Variants in ARSG observed in about 807,000 individuals in gnomAD.
ARSG encodes ASG.
ARSG carries 37 observed loss-of-function variants against 50.5 expected under a neutral mutation model. The observed-to-expected ratio is 0.73, with a 90% confidence interval of 0.56 to 0.96. ARSG has a LOEUF of 0.96. ARSG is among the 50% of genes least tolerant of loss of function. ARSG has a pLI of 0.00. For missense variants in ARSG, 629 were observed against 675.3 expected (o/e 0.93, Z 0.76); for synonymous variants, 225 against 254.6 (o/e 0.88, Z 1.11).
chr17:68,297,945 G>A (rs1356260461), intron 1 of ARSG, among the ~76,000 whole-genome samples: 1 of 150,622 alleles, frequency 6.6e-6, no homozygotes, highest in Admixed American at 6.7e-5. Context: ...ATTGTGTTTG[G>A]GGTTGAGAAA....
At position 68,369,144 on chromosome 17, in the gene ARSG, G is replaced by C. The variant is rs2079698620; in HGVS notation, c.901+400G>C. 4.6e-5 allele frequency among the ~76,000 whole-genome samples: 7 copies of C among 152,194 alleles called. No homozygotes were observed. In the South Asian group the frequency reaches 1.4e-3, roughly 32 times the overall value. On this transcript the variant is annotated intron_variant, in intron 7 of 11. Coordinates refer to ENST00000621439, the MANE Select transcript of ARSG (RefSeq NM_001267727.2). ...TGCCACTCCCCGTGTCACGTCTTTT[G>C]GCTGAGTGGCCTTAGCGAGCTGAAC...
At chr17:68,313,619 T>C (rs1221812693) in intron 2 of ARSG, among the ~76,000 whole-genome samples, 2 of 152,092 alleles carry the variant, frequency 1.3e-5, no homozygotes, top group African/African-American at 2.4e-5. Context: ...TGGATTGATA[T>C]GAAATTGAGG....
chr17:68,351,228 T>C (rs1427151202), intron 4 of ARSG, among the ~76,000 whole-genome samples: 1 of 152,194 alleles, frequency 6.6e-6, no homozygotes, highest in Admixed American at 6.5e-5. Flanking sequence ...ACTGTTTTTT[T>C]TTTATCCCTT....
upstream of ARSG, chr17:68,291,389 A>G (rs1292185642): frequency 6.9e-6 from 1 of 145,462 alleles, no homozygotes; most frequent in Non-Finnish European, 1.5e-5. Context: ...CTCTTATCCT[A>G]TACCGGCTGC....
intron 1 of ARSG, among the ~76,000 whole-genome samples, chr17:68,301,067 G>A (rs1377107433): frequency 4.6e-5 from 7 of 150,770 alleles, no homozygotes; most frequent in Non-Finnish European, 7.4e-5. Flanking sequence ...GCAGTGAGCC[G>A]AGATCGCACC....
the ARSG span, chr17:68,429,964 G>A: frequency 6.2e-7 from 1 of 1,613,140 alleles, no homozygotes; most frequent in Non-Finnish European, 8.5e-7. Context: ...CGAAAGTGTG[G>A]TCTTGTTCAG....
intron 8 of ARSG, among the ~76,000 whole-genome samples, chr17:68,380,777 ACT>A (rs1207012493): frequency 6.6e-6 from 1 of 151,936 alleles, no homozygotes; most frequent in Non-Finnish European, 1.5e-5. Context: ...CAGTGCCCTA[ACT>A]CTTGTGTTAT....
At chr17:68,308,434 C>T (rs574602047) in intron 2 of ARSG, among the ~76,000 whole-genome samples, 10 of 151,406 alleles carry the variant, frequency 6.6e-5, no homozygotes, top group Admixed American at 2.6e-4. Context: ...GTTCTTAAGG[C>T]GGTGCGTCTG....
At chr17:68,420,990 T>C (rs2082733641), downstream of ARSG, 1 of 155,636 alleles carries the variant, frequency 6.4e-6, no homozygotes, top group Non-Finnish European at 1.4e-5. Flanking sequence ...ATCTTTAATA[T>C]GCAAACAAAT....
intron 1 of ARSG, chr17:68,268,852 A>C: frequency 1.7e-6 from 1 of 573,902 alleles, no homozygotes; most frequent in South Asian, 2.2e-5. Context: ...AGCCAGATTT[A>C]TATATGGAAG....
chr17:68,432,816 G>C, the ARSG span, among the ~76,000 whole-genome samples: 1 of 152,170 alleles, frequency 6.6e-6, no homozygotes, highest in Non-Finnish European at 1.5e-5. Flanking sequence ...CCCCCACCGT[G>C]GGGTATGAAA....
rs181860044 is a variant in ARSG, at chr17:68,395,427, A to C, written c.1212+234A>C. On this transcript the variant is annotated intron_variant, in intron 10 of 11. Transcript: ENST00000621439. ...AGATGGTGAAACCTCACCTATACTA[A>C]AGATACAAAAATTAGCTGAGCATGG... Among the ~76,000 whole-genome samples, 53 of 152,320 alleles carry C rather than the reference A, an allele frequency of 3.5e-4. 1 individual carries two copies. The East Asian group carries it at 9.6e-3, about 28-fold the overall frequency.
chr17:68,432,855 C>T, the ARSG span, among the ~76,000 whole-genome samples: 10 of 152,190 alleles, frequency 6.6e-5, no homozygotes, highest in Admixed American at 5.2e-4. Context: ...TCTCACTCCT[C>T]CATCTTTCCA....
At chr17:68,337,496 C>T (rs774084401) in intron 2 of ARSG, among the ~76,000 whole-genome samples, 8 of 152,142 alleles carry the variant, frequency 5.3e-5, no homozygotes, top group Admixed American at 3.3e-4. Flanking sequence ...AGGATGAAGA[C>T]AGGTCTCCTG....
chr17:68,401,275 G>A (rs2081457977), intron 10 of ARSG, 85 bp from the exon 11 acceptor site: 8 of 1,214,050 alleles, frequency 6.6e-6, no homozygotes, highest in Non-Finnish European at 9.6e-6. Flanking sequence ...CTCCTGCCTC[G>A]ACCTCCCAAG....
intron 2 of ARSG, among the ~76,000 whole-genome samples, chr17:68,312,406 G>C (rs2076897490): frequency 6.6e-6 from 1 of 152,050 alleles, no homozygotes; most frequent in South Asian, 2.1e-4. Context: ...TTCTCCAAAG[G>C]GCGTGGGTTG....
chr17:68,349,730 A>C (rs1160178033), intron 4 of ARSG, among the ~76,000 whole-genome samples: 1 of 151,856 alleles, frequency 6.6e-6, no homozygotes, highest in Non-Finnish European at 1.5e-5. Flanking sequence ...CAAAAATACA[A>C]AGATTAGCTG....
chr17:68,398,706 G>C (rs965706059), intron 10 of ARSG, among the ~76,000 whole-genome samples: 1 of 152,196 alleles, frequency 6.6e-6, no homozygotes, highest in Non-Finnish European at 1.5e-5. Context: ...GAGTTGAGAG[G>C]TGTCATGTGC....
chr17:68,268,801 A>C (rs1555747321), intron 1 of ARSG: 1 of 362,154 alleles, frequency 2.8e-6, no homozygotes, highest in Admixed American at 4.5e-5. Flanking sequence ...AATGTGAACC[A>C]AAGAGTCTTT....
Sources: allele counts gnomAD v4.1 joint callset (sites outside exome capture counted in the v4.1 genomes callset), GRCh38; gene constraint gnomAD v4.1.1; transcripts MANE v1.5; gene names NCBI Gene and HGNC (gene_info 2026-07-23, HGNC 2026-07-21).